Variants in PGPEP1L observed in about 807,000 individuals in gnomAD.
PGPEP1L encodes the protein pyroglutamyl-peptidase 1-like protein.
PGPEP1L carries 7 observed loss-of-function variants against 6.0 expected under a neutral mutation model. The observed-to-expected ratio is 1.17, with a 90% CI of 0.66 to 2.19. The LOEUF is 2.19. PGPEP1L is among the 30% of genes most tolerant of loss of function. The pLI is 0.00. For synonymous variants in PGPEP1L, 103 were observed against 83.9 expected (o/e 1.23, Z -1.24); for missense variants, 209 against 192.5 (o/e 1.09, Z -0.51).
Position 98,970,962 on chromosome 15 carries a change from C to G in PGPEP1L, c.-19+74G>C. 3 of 1,586,690 alleles carry G rather than the reference C, an allele frequency of 1.9e-6. No homozygotes were observed. The South Asian group carries it at 3.5e-5, about 18-fold the overall frequency. ...GCCCCTCAACCATCAACCCTAGAAC[C>G]AGGACCCGGGGGTTCAGAGGCTCCA... is the stretch of plus-strand genomic sequence containing the variant. On this transcript the variant is annotated intron_variant, in intron 3 of 4. Coordinates refer to ENST00000535714, the MANE Select transcript of PGPEP1L (RefSeq NM_001167902.2).
chr15:99,006,831 A>G (rs2018074500), intron 1 of PGPEP1L, among the ~76,000 whole-genome samples: 1 of 152,094 alleles, frequency 6.6e-6, no homozygotes, highest in Admixed American at 6.6e-5. Context: ...TTAAACTGAA[A>G]ATACTTTTTT....
intron 1 of PGPEP1L, among the ~76,000 whole-genome samples, chr15:99,006,293 C>A (rs1232872577): frequency 6.6e-6 from 1 of 152,362 alleles, no homozygotes; most frequent in African/African-American, 2.4e-5. Flanking sequence ...TGCAAGCTTG[C>A]TAGCTCTGTG....
At chr15:98,987,992 A>C (rs552776709) in intron 2 of PGPEP1L, among the ~76,000 whole-genome samples, 15 of 152,348 alleles carry the variant, frequency 9.8e-5, no homozygotes, top group African/African-American at 3.1e-4. Context: ...TGCAACTGGC[A>C]GACCAGGGGA....
At chr15:98,991,357 GAAGA>G (rs1401046375) in intron 2 of PGPEP1L, among the ~76,000 whole-genome samples, 1 of 152,104 alleles carries the variant, frequency 6.6e-6, no homozygotes, top group African/African-American at 2.4e-5. Context: ...AGAAAATATA[GAAGA>G]AATGGATAAA....
In PGPEP1L at chr15:98,969,437, C is replaced by T. The variant is rs567611836; in HGVS notation, c.197G>A (p.Arg66Gln). The change falls in exon 4 of 5, where the codon CGA becomes CAA. Residue 66 changes from arginine (R) to glutamine (Q), a missense_variant. Transcript: ENST00000535714. Reference protein sequence around the residue: ...AVEGVDVIFSRDAGRYVCDYT... With the variant: ...AVEGVDVIFSQDAGRYVCDYT... ...CCACAGAGCATACCTGCCTGCATCT[C>T]GGGAAAAGATCACGTCGACACCCTC... is the stretch of plus-strand genomic sequence containing the variant. 80 of 1,614,012 alleles carry T rather than the reference C, an allele frequency of 5.0e-5. No homozygotes were observed. Among genetic ancestry groups the T allele is most frequent in the Non-Finnish European group, 6.1e-5 (72 of 1,179,898 alleles).
In PGPEP1L at chr15:98,969,576, G is replaced by A. The variant is rs200266269; in HGVS notation, c.58C>T (p.Arg20Trp). Residue 20 changes from arginine to tryptophan, a missense_variant, in exon 4 of 5, where the codon CGG becomes TGG. Arg to Trp is a moderately radical substitution (Grantham distance 101). Transcript: ENST00000535714. Reference sequence around the variant, plus strand: ...CAGAAGCTGCGGATGTCGGCGTCCCGGTAGCCTTGGTTCTTGCCAGACTGT... The same window carrying A: ...CAGAAGCTGCGGATGTCGGCGTCCCAGTAGCCTTGGTTCTTGCCAGACTGT... ...LEQSGKNQGY[R>W]DADIRSFWPE... 264 of 1,613,842 alleles carry A rather than the reference G, an allele frequency of 1.6e-4. No individual in the cohort carries two copies. The highest frequency in any genetic ancestry group is 4.1e-4 in the African/African-American group (31 of 75,056).
At chr15:98,988,541 G>A (rs1174281648) in intron 2 of PGPEP1L, among the ~76,000 whole-genome samples, 1 of 152,224 alleles carries the variant, frequency 6.6e-6, no homozygotes, top group Non-Finnish European at 1.5e-5. Flanking sequence ...AGCACCTGGG[G>A]GAAGGGGCAG....
chr15:98,986,043 T>C (rs2017741965), intron 2 of PGPEP1L, among the ~76,000 whole-genome samples: 2 of 152,250 alleles, frequency 1.3e-5, no homozygotes, highest in Non-Finnish European at 2.9e-5. Context: ...CAGCTCTTCT[T>C]AGAATCTGCT....
intron 2 of PGPEP1L, among the ~76,000 whole-genome samples, chr15:98,984,009 C>CTTTTTTTATT (rs2017706856): frequency 8.6e-6 from 1 of 115,730 alleles, no homozygotes. Flanking sequence ...AGTAAGTAGT[C>CTTTTTTTATT]TTTTTTTTTT....
intron 2 of PGPEP1L, among the ~76,000 whole-genome samples, chr15:98,983,804 T>A (rs1368292219): frequency 6.6e-6 from 1 of 152,200 alleles, no homozygotes; most frequent in Non-Finnish European, 1.5e-5. Flanking sequence ...TTAGCATGTA[T>A]AATAATCTGT....
Position 99,005,470 on chromosome 15 carries a change from A to G in PGPEP1L, c.-183T>C, listed in dbSNP as rs1309342567. On this transcript the variant is annotated 5_prime_UTR_variant, in exon 2 of 5. Transcript: ENST00000535714. ...GCTGGGCTGGGAATCCATGAAGACG[A>G]AGTGGGAGCTCGCGCTGCGCCTCCC... 34 of 152,526 alleles carry G rather than the reference A, an allele frequency of 2.2e-4. No homozygotes were observed. Among genetic ancestry groups the G allele is most frequent in the East Asian group, 9.6e-4 (5 of 5,198 alleles). 9.4% of individuals were successfully genotyped at this position (152,526 alleles called of 1,614,324 possible).
In PGPEP1L at chr15:99,007,495, C is replaced by G; in HGVS notation, c.-506G>C. ...CCAAGTTTGTTTCTTCTGATGCTCG[C>G]ATGTGTTCGGAGTTTCTTCCTTCTG... On this transcript the variant is annotated 5_prime_UTR_variant, in exon 1 of 5. The change abolishes an upstream ATG in the 5' untranslated region. Coordinates refer to ENST00000535714, the MANE Select transcript of PGPEP1L (RefSeq NM_001167902.2). 1 of 152,358 alleles carries G rather than the reference C, an allele frequency of 6.6e-6. No homozygotes were observed. The highest frequency in any genetic ancestry group is 1.5e-5 in the Non-Finnish European group (1 of 68,088). The allele number at this position is 152,358 out of a possible 1,614,324, so 9.4% of individuals were successfully genotyped here.
At chr15:98,974,037 A>T (rs1230002534) in intron 2 of PGPEP1L, among the ~76,000 whole-genome samples, 1 of 152,204 alleles carries the variant, frequency 6.6e-6, no homozygotes, top group African/African-American at 2.4e-5. Context: ...AGAAATACAA[A>T]GGATCATCAG....
chr15:98,976,364 C>G, intron 2 of PGPEP1L, among the ~76,000 whole-genome samples: 1 of 152,228 alleles, frequency 6.6e-6, no homozygotes, highest in East Asian at 1.9e-4. Context: ...CTCAGGCTAA[C>G]ATCCCTCAGG....
intron 2 of PGPEP1L, among the ~76,000 whole-genome samples, chr15:98,974,150 G>A (rs1371388192): frequency 1.3e-5 from 2 of 152,148 alleles, no homozygotes; most frequent in East Asian, 3.9e-4. Flanking sequence ...GGAGGCCAAG[G>A]TGGGCAGATC....
rs183167434 is a variant in PGPEP1L at position 98,992,969 on chromosome 15, C to A, written c.-142+12460G>T. Among the ~76,000 whole-genome samples, 297 of 151,846 alleles carry A rather than the reference C, an allele frequency of 2.0e-3. 1 individual carries two copies. Among genetic ancestry groups the A allele is most frequent in the South Asian group, 2.9e-3 (14 of 4,800 alleles). On this transcript the variant is annotated intron_variant, in intron 2 of 4. Transcript: ENST00000535714. ...ATTCAAGATGGATTAAAGACTTAAA[C>A]GTAAGAAACATAAGACCTAAAACTG...
intron 2 of PGPEP1L, among the ~76,000 whole-genome samples, chr15:98,972,742 G>C (rs1261205705): frequency 3.3e-5 from 5 of 151,816 alleles, no homozygotes; most frequent in Non-Finnish European, 1.5e-5. Flanking sequence ...ATGGTGGCAG[G>C]CACCTGTAGT....
intron 2 of PGPEP1L, among the ~76,000 whole-genome samples, chr15:99,002,126 G>T (rs570459025): frequency 1.3e-5 from 2 of 151,906 alleles, no homozygotes; most frequent in Non-Finnish European, 2.9e-5. Flanking sequence ...ATCCTTCCAC[G>T]TCAGCCTCCC....
chr15:98,979,336 A>C (rs2017620801), intron 2 of PGPEP1L, among the ~76,000 whole-genome samples: 1 of 23,984 alleles, frequency 4.2e-5, no homozygotes, highest in Non-Finnish European at 1.1e-4. Flanking sequence ...TTAAAACAAA[A>C]AAAAAACCAA....
Sources: allele counts gnomAD v4.1 joint callset (sites outside exome capture counted in the v4.1 genomes callset), GRCh38; gene constraint gnomAD v4.1.1; transcripts MANE v1.5; gene names NCBI Gene and HGNC (gene_info 2026-07-23, HGNC 2026-07-21).